The following FRMD4B variants were observed in gnomAD, a reference collection of about 807,000 sequenced individuals.
The protein encoded by FRMD4B is FERM domain containing 4B.
FRMD4B carries 74 observed loss-of-function variants against 141.5 expected under a neutral mutation model. That is an observed-to-expected ratio of 0.52 (90% confidence interval 0.43 to 0.63). The LOEUF is 0.63. Ranked by LOEUF, FRMD4B falls within the 30% of genes least tolerant of loss-of-function variation. The pLI is 0.00. For missense variants in FRMD4B, 1,366 were observed against 1,253.4 expected (o/e 1.09, Z -1.36); for synonymous variants, 506 against 467.9 (o/e 1.08, Z -1.05).
At chr3:69,310,577 CACACAGAGAGAGAGAGAG>C (rs1191082439) in intron 3 of FRMD4B, 98 of 231,284 alleles carry the variant, frequency 4.2e-4, no homozygotes, top group East Asian at 7.4e-4. Context: ...CACACACACA[CACACAGAGAGAGAGAGAG>C]AGAGAGAGAG....
intron 7 of FRMD4B, among the ~76,000 whole-genome samples, chr3:69,242,648 C>T (rs2093394325): frequency 6.7e-6 from 1 of 149,934 alleles, no homozygotes; most frequent in South Asian, 2.1e-4. Context: ...AGTAGAAGCA[C>T]CCTAATCACA....
At chr3:69,516,169 G>T (rs931413761) in intron 1 of FRMD4B, among the ~76,000 whole-genome samples, 1 of 152,092 alleles carries the variant, frequency 6.6e-6, no homozygotes, top group Non-Finnish European at 1.5e-5. Flanking sequence ...AGGCTGTGGT[G>T]AGCAATGATG....
At chr3:69,287,405 A>C (rs1700722502) in intron 5 of FRMD4B, among the ~76,000 whole-genome samples, 1 of 152,238 alleles carries the variant, frequency 6.6e-6, no homozygotes, top group Admixed American at 6.5e-5. Flanking sequence ...AGTGTAGGGC[A>C]TACCTTATTT....
chr3:69,333,245 T>C (rs1702439000), intron 1 of FRMD4B, among the ~76,000 whole-genome samples: 1 of 152,214 alleles, frequency 6.6e-6, no homozygotes, highest in Admixed American at 6.5e-5. Flanking sequence ...TAAAAATCTC[T>C]GGTTTTTTTG....
chr3:69,398,075 C>T (rs1180117229), intron 2 of FRMD4B, among the ~76,000 whole-genome samples: 3 of 152,000 alleles, frequency 2.0e-5, no homozygotes, highest in East Asian at 1.9e-4. Context: ...GAAAAAAATA[C>T]TGTACATGAG....
chr3:69,498,430 G>A (rs985813901), intron 1 of FRMD4B, among the ~76,000 whole-genome samples: 3 of 152,326 alleles, frequency 2.0e-5, no homozygotes, highest in Middle Eastern at 3.4e-3. Context: ...GCCTGCACGT[G>A]TGTGTGCATG....
chr3:69,366,854 C>T (rs1358686389), intron 1 of FRMD4B, among the ~76,000 whole-genome samples: 1 of 152,038 alleles, frequency 6.6e-6, no homozygotes, highest in Non-Finnish European at 1.5e-5. Flanking sequence ...ACTGCAGCCT[C>T]AACCTCCTGG....
chr3:69,295,878 G>C (rs55814935), intron 4 of FRMD4B, among the ~76,000 whole-genome samples: 29 of 152,054 alleles, frequency 1.9e-4, no homozygotes, highest in Middle Eastern at 3.4e-3. Context: ...GTGCAATGGC[G>C]TGATCTTGGC....
chr3:69,388,205 G>GA (rs549391870), upstream of FRMD4B, among the ~76,000 whole-genome samples: 44 of 152,210 alleles, frequency 2.9e-4, no homozygotes, highest in East Asian at 8.3e-3. Flanking sequence ...CATCCTCTCA[G>GA]AAGAGAGGCT....
At position 69,201,345 on chromosome 3, in the gene FRMD4B, A is replaced by G. The variant is rs145574378; in HGVS notation, c.877-2571T>C. On this transcript the variant is annotated intron_variant, in intron 11 of 22. Coordinates refer to ENST00000398540, the MANE Select transcript of FRMD4B (RefSeq NM_015123.3). ...GTTTTCTTTTATTAATAAAAATAGG[A>G]TGAAAAATGACAAAATATTAGTAAC... Among the ~76,000 whole-genome samples the G allele has an allele frequency of 2.6e-3, 399 of 152,300 alleles. 2 individuals carry two copies. Among genetic ancestry groups the G allele is most frequent in the African/African-American group, 9.2e-3 (382 of 41,556 alleles).
rs554750792 is a variant in FRMD4B, at chr3:69,495,887, T to C, written c.-129+46319A>G. Among the ~76,000 whole-genome samples, 7 of 152,294 alleles carry C rather than the reference T, an allele frequency of 4.6e-5. No homozygotes were observed. In the South Asian group the frequency reaches 1.5e-3, roughly 32 times the overall value. ...CATTTTATCTAAAATTTACTAGTAA[T>C]TCACTAAACAGATTTCCCTAATTAA... On this transcript the variant is annotated intron_variant, in intron 1 of 5. Coordinates refer to the FRMD4B transcript ENST00000459638.
intron 1 of FRMD4B, among the ~76,000 whole-genome samples, chr3:69,356,735 T>C (rs1703336535): frequency 6.6e-6 from 1 of 151,666 alleles, no homozygotes; most frequent in Admixed American, 6.6e-5. Context: ...AGAGAAGAAG[T>C]ATCTTTGTTT....
At chr3:69,313,185 T>C (rs1701660946) in intron 2 of FRMD4B, among the ~76,000 whole-genome samples, 1 of 152,142 alleles carries the variant, frequency 6.6e-6, no homozygotes, top group African/African-American at 2.4e-5. Flanking sequence ...AGCTATTAAG[T>C]GTCAAGCTGA....
chr3:69,518,990 T>C (rs1188582016), intron 1 of FRMD4B, among the ~76,000 whole-genome samples: 1 of 152,174 alleles, frequency 6.6e-6, no homozygotes, highest in Admixed American at 6.5e-5. Flanking sequence ...GATTCCCCTC[T>C]GAAGAATCTG....
At chr3:69,267,856 C>T (rs540672806) in intron 5 of FRMD4B, among the ~76,000 whole-genome samples, 4 of 151,866 alleles carry the variant, frequency 2.6e-5, no homozygotes, top group Admixed American at 6.5e-5. Context: ...TGGTCTCACA[C>T]TCGTGGCCTC....
intron 1 of FRMD4B, among the ~76,000 whole-genome samples, chr3:69,317,782 G>A (rs1701855801): frequency 2.1e-5 from 3 of 145,894 alleles, no homozygotes; most frequent in Non-Finnish European, 4.5e-5. Flanking sequence ...AAAAAAAGGA[G>A]GCAAGAGAAA....
intron 13 of FRMD4B, 148 bp from the exon 14 acceptor site, chr3:69,196,544 A>AAAACC: frequency 1.6e-6 from 1 of 634,960 alleles, no homozygotes; most frequent in Non-Finnish European, 2.7e-6. Flanking sequence ...ACCAAAAAAC[A>AAAACC]AAACAAAACA....
intron 11 of FRMD4B, among the ~76,000 whole-genome samples, chr3:69,202,032 C>T (rs955686156): frequency 2.3e-4 from 35 of 151,920 alleles, no homozygotes; most frequent in African/African-American, 7.3e-4. Flanking sequence ...GGTGAAACCC[C>T]GTGTCTACTA....
intron 2 of FRMD4B, among the ~76,000 whole-genome samples, chr3:69,391,617 C>T (rs761575431): frequency 3.9e-5 from 6 of 152,194 alleles, no homozygotes; most frequent in Non-Finnish European, 8.8e-5. Context: ...TCCCCCCACA[C>T]TAAACCCAGG....
Sources: gnomAD v4.1 joint callset for allele counts (sites outside exome capture counted in the v4.1 genomes callset) on GRCh38, gnomAD v4.1.1 for gene constraint, MANE v1.5 for transcripts, NCBI Gene and HGNC (gene_info 2026-07-23, HGNC 2026-07-21) for gene names.